Variants in TTL observed in about 807,000 individuals in gnomAD.
TTL encodes tubulin tyrosine ligase, also known as tubulin--tyrosine ligase.
TTL carries 10 observed loss-of-function variants against 41.1 expected under a neutral mutation model. The ratio of observed to expected loss-of-function variants is 0.24; its 90% CI spans 0.15 to 0.41. The LOEUF (loss-of-function observed/expected upper bound fraction) is 0.41. Among genes scored for constraint, TTL ranks in the 10% least tolerant of loss-of-function variants. TTL has a pLI of 1.00. For synonymous variants in TTL, 175 were observed against 175.5 expected (o/e 1.00, Z 0.02); for missense variants, 367 against 460.4 (o/e 0.80, Z 1.86).
chr2:112,493,912 T>A (rs1681458183), intron 2 of TTL, among the ~76,000 whole-genome samples: 1 of 152,210 alleles, frequency 6.6e-6, no homozygotes, highest in African/African-American at 2.4e-5. Flanking sequence ...TGTTGGACAT[T>A]AAGCCTTTTG....
At chr2:112,513,651 A>G (rs1439192110) in intron 5 of TTL, among the ~76,000 whole-genome samples, 1 of 150,962 alleles carries the variant, frequency 6.6e-6, no homozygotes, top group Non-Finnish European at 1.5e-5. Flanking sequence ...TTATACAAGT[A>G]TAAATATAAA....
chr2:112,488,110 CCT>C (rs754349036), intron 2 of TTL, among the ~76,000 whole-genome samples: 3 of 152,210 alleles, frequency 2.0e-5, no homozygotes, highest in African/African-American at 4.8e-5. Context: ...AGTCCTTCCC[CCT>C]GTCACTTCAG....
rs903397011 is a variant in TTL at position 112,530,203 on chromosome 2, A to G, written c.*1408A>G. ...TTCTGCAGTCAGGTGAGACTTTTAC[A>G]AAAGAGGAGAAAATCAATGCCTCCT... On this transcript the variant is annotated 3_prime_UTR_variant, in exon 7 of 7. Transcript: ENST00000233336. 8 of 228,284 alleles carry G rather than the reference A, an allele frequency of 3.5e-5. No individual in the cohort carries two copies. The highest frequency in any genetic ancestry group is 1.3e-4 in the East Asian group (2 of 15,970). 14.1% of individuals were successfully genotyped at this position (228,284 alleles called of 1,614,324 possible). A position where few individuals can be genotyped will look rare whatever the true frequency, so the allele number is the denominator to read the frequency against.
In TTL at chr2:112,529,098, T is replaced by C; in HGVS notation, c.*303T>C. 1 of 451,904 alleles carries C rather than the reference T, an allele frequency of 2.2e-6. No individual in the cohort carries two copies. The highest frequency in any genetic ancestry group is 2.6e-5 in the South Asian group (1 of 38,078). 28.0% of individuals were successfully genotyped at this position (451,904 alleles called of 1,614,324 possible). ...CCGGGAACGGCAGGGCACTGGGACC[T>C]CTGGTCGGTGCCTCCCACCCACTGC... On this transcript the variant is annotated 3_prime_UTR_variant, in exon 7 of 7. Coordinates refer to ENST00000233336, the MANE Select transcript of TTL (RefSeq NM_153712.5).
In TTL at chr2:112,533,767, C is replaced by T. The variant is rs1419992598; in HGVS notation, c.*4972C>T. 1.3e-5 allele frequency: 2 copies of T among 152,224 alleles called. No homozygotes were observed. The highest frequency in any genetic ancestry group is 4.8e-5 in the African/African-American group (2 of 41,462). The allele number at this position is 152,224 out of a possible 1,614,324, so 9.4% of individuals were successfully genotyped here. A position where few individuals can be genotyped will look rare whatever the true frequency, so the allele number is the denominator to read the frequency against. On this transcript the variant is annotated 3_prime_UTR_variant, in exon 7 of 7. Transcript: ENST00000233336. ...ACCTCTTACAGGTCCCACCTCTCAACACTATTGCAGTAGAGATTAAGTTTC... is the reference window on the plus strand; with the variant it reads ...ACCTCTTACAGGTCCCACCTCTCAATACTATTGCAGTAGAGATTAAGTTTC...
At position 112,503,577 on chromosome 2, in the gene TTL, G is replaced by A. The variant is rs552189544; in HGVS notation, c.875+396G>A. On this transcript the variant is annotated intron_variant, in intron 5 of 6. Transcript: ENST00000233336. ...GCCTCCCAAGTAGCTGGGATTACAG[G>A]CATGTGCCACCACGCTGGGCTAATT... 2.9e-4 allele frequency among the ~76,000 whole-genome samples: 44 copies of A among 149,720 alleles called. 1 individual carries two copies. Among genetic ancestry groups the A allele is most frequent in the African/African-American group, 1.0e-3 (42 of 41,158 alleles).
Position 112,540,433 on chromosome 2 carries a change from CAAAAAAAA to C in TTL, c.*11647_*11654del, listed in dbSNP as rs76177853. 7 of 113,880 alleles carry C rather than the reference CAAAAAAAA, an allele frequency of 6.1e-5. No homozygotes were observed. The highest frequency in any genetic ancestry group is 4.7e-4 in the East Asian group (2 of 4,276). The allele number at this position is 113,880 out of a possible 1,614,324, so 7.1% of individuals were successfully genotyped here. A position where few individuals can be genotyped will look rare whatever the true frequency, so the allele number is the denominator to read the frequency against. On this transcript the variant is annotated 3_prime_UTR_variant, in exon 7 of 7. Coordinates refer to ENST00000233336, the MANE Select transcript of TTL (RefSeq NM_153712.5). ...AACTCTGTCTCAAAAAAACAAAAAA[CAAAAAAAA>C]AAAAAAAAGAGAAAGAAATTGACAA...
chr2:112,503,429 T>A (rs182827445), intron 5 of TTL, among the ~76,000 whole-genome samples: 6,118 of 145,926 alleles, frequency 0.042, 447 homozygotes, highest in African/African-American at 0.14. Context: ...ATTTATATAT[T>A]TATTTATTTA....
At chr2:112,492,453 G>A (rs1681413708) in intron 2 of TTL, among the ~76,000 whole-genome samples, 1 of 151,732 alleles carries the variant, frequency 6.6e-6, no homozygotes, top group South Asian at 2.1e-4. Context: ...GGTGTGGGCC[G>A]GGCGCGGTGG....
In TTL at chr2:112,534,834, ACATGCCCAGAAGAGACCTGAGAATTCCC is replaced by A. The variant is rs1682570070; in HGVS notation, c.*6042_*6069del. ...GCCACACACATGTGTAGGACTGTGC[ACATGCCCAGAAGAGACCTGAGAATTCCC>A]CAGCTCTTTCGTCTGACCTTAAGTG... On this transcript the variant is annotated 3_prime_UTR_variant, in exon 7 of 7. Coordinates refer to ENST00000233336, the MANE Select transcript of TTL (RefSeq NM_153712.5). 3 of 152,190 alleles carry A rather than the reference ACATGCCCAGAAGAGACCTGAGAATTCCC, an allele frequency of 2.0e-5. No individual in the cohort carries two copies. The highest frequency in any genetic ancestry group is 2.0e-4 in the Admixed American group (3 of 15,298). The allele number at this position is 152,190 out of a possible 1,614,324, so 9.4% of individuals were successfully genotyped here.
At position 112,540,743 on chromosome 2, in the gene TTL, C is replaced by CT. The variant is rs142697596; in HGVS notation, c.*11953dup. On this transcript the variant is annotated 3_prime_UTR_variant, in exon 7 of 7. Transcript: ENST00000233336. ...ACAATTTGATGAGGGAAAGAATAGT[C>CT]TTTTTAACAAATGGTGTTAGGACAA... 6.6e-6 allele frequency: 1 copy of CT among 152,202 alleles called. No individual in the cohort carries two copies. The allele number at this position is 152,202 out of a possible 1,614,324, so 9.4% of individuals were successfully genotyped here. A position where few individuals can be genotyped will look rare whatever the true frequency, so the allele number is the denominator to read the frequency against.
At chr2:112,528,658 A>G (rs377186855) in intron 6 of TTL, 23 bp from the exon 7 acceptor site, 6 of 1,585,304 alleles carry the variant, frequency 3.8e-6, no homozygotes, top group Non-Finnish European at 5.2e-6. Context: ...ATCCTCAATG[A>G]TATTTTTAAA....
In TTL at chr2:112,485,981, A is replaced by C. The variant is rs766903434; in HGVS notation, c.222A>C (p.Lys74Asn). The C allele has an allele frequency of 1.2e-6, 2 of 1,614,200 alleles. No individual in the cohort carries two copies. The highest frequency in any genetic ancestry group is 1.7e-6 in the Non-Finnish European group (2 of 1,180,032). Residue 74 changes from lysine (K) to asparagine (N), a missense_variant, in exon 2 of 7, where the codon AAA (lysine) becomes AAC (asparagine). By Grantham distance (94) the Lys-to-Asn change is moderately conservative. Coordinates refer to ENST00000233336, the MANE Select transcript of TTL (RefSeq NM_153712.5). Reference sequence around the variant, plus strand: ...GGGGTGCTGACAAACTGTGTCGCAAAGCTTCTTTAGTGAAGTAAGTGTTAA... The same window carrying C: ...GGGGTGCTGACAAACTGTGTCGCAACGCTTCTTTAGTGAAGTAAGTGTTAA... ...YYRGADKLCR[K>N]ASLVKLIKTS...
intron 1 of TTL, 98 bp from the exon 2 acceptor site, chr2:112,485,819 C>T: frequency 8.9e-7 from 1 of 1,123,668 alleles, no homozygotes; most frequent in South Asian, 1.4e-5. Context: ...AACAGCCAAT[C>T]CTGAGATGAG....
intron 3 of TTL, among the ~76,000 whole-genome samples, chr2:112,497,618 T>C (rs1274116276): frequency 2.6e-5 from 4 of 151,830 alleles, no homozygotes; most frequent in Admixed American, 2.0e-4. Flanking sequence ...GCATGAGTCA[T>C]GTGTGTAGGG....
At chr2:112,492,329 T>C (rs1681410476) in intron 2 of TTL, among the ~76,000 whole-genome samples, 1 of 152,248 alleles carries the variant, frequency 6.6e-6, no homozygotes, top group African/African-American at 2.4e-5. Flanking sequence ...CTCATGCCTG[T>C]AATCCAGCAC....
chr2:112,493,371 A>C (rs1681443638), intron 2 of TTL, among the ~76,000 whole-genome samples: 1 of 148,802 alleles, frequency 6.7e-6, no homozygotes, highest in African/African-American at 2.5e-5. Context: ...AAAAAAAAAG[A>C]CTTGGGAGTT....
Position 112,503,050 on chromosome 2 carries a change from G to A in TTL, c.744G>A (p.Glu248=), listed in dbSNP as rs1197636667. 1.2e-6 allele frequency: 2 copies of A among 1,613,876 alleles called. No individual in the cohort carries two copies. Among genetic ancestry groups the A allele is most frequent in the African/African-American group, 2.7e-5 (2 of 74,880 alleles). ...CHLTNHCIQK[E]YSKNYGKYEE... is the part of the protein sequence containing the mutation. The stretch of plus-strand genomic sequence containing the variant: ...TGACCAATCACTGCATTCAAAAAGA[G>A]TATTCAAAGAACTACGGGAAGTATG... Residue 248 remains glutamate, a synonymous_variant, in exon 5 of 7, where the codon GAG becomes GAA. Coordinates refer to ENST00000233336, the MANE Select transcript of TTL (RefSeq NM_153712.5).
At chr2:112,520,695 A>G in intron 6 of TTL, 1 of 372,830 alleles carries the variant, frequency 2.7e-6, no homozygotes, top group Non-Finnish European at 5.0e-6. Flanking sequence ...TGTCAGGTAG[A>G]CTGTCTGAGC....
Sources: gnomAD v4.1 joint callset for allele counts (sites outside exome capture counted in the v4.1 genomes callset) on GRCh38, gnomAD v4.1.1 for gene constraint, MANE v1.5 for transcripts, NCBI Gene and HGNC (gene_info 2026-07-23, HGNC 2026-07-21) for gene names.